HERC2: variants seen among roughly 807,000 people sequenced by gnomAD.
HERC2 encodes E3 ubiquitin-protein ligase HERC2.
HERC2 carries 102 observed loss-of-function variants against 537.7 expected under a neutral mutation model. The observed-to-expected ratio is 0.19, with a 90% CI of 0.16 to 0.22. HERC2 has a LOEUF of 0.22. Among genes scored for constraint, HERC2 ranks in the 10% least tolerant of loss-of-function variants. The pLI, the probability that HERC2 is intolerant of heterozygous loss-of-function variation, is 1.00. For synonymous variants in HERC2, 2,224 were observed against 2,466.2 expected (o/e 0.90, Z 2.91); for missense variants, 4,236 against 6,198.2 (o/e 0.68, Z 10.63).
At chr15:28,142,177 T>C in intron 76 of HERC2, 61 bp downstream of exon 76, 1 of 1,553,092 alleles carries the variant, frequency 6.4e-7, no homozygotes, top group Non-Finnish European at 8.7e-7. Flanking sequence ...GGCATCTTGT[T>C]ACACTATAGC....
At chr15:28,222,248 A>G (rs1402839098) in intron 35 of HERC2, 33 bp from the exon 36 acceptor site, 3 of 1,285,842 alleles carry the variant, frequency 2.3e-6, no homozygotes, top group South Asian at 2.3e-5. Flanking sequence ...AGCTGAGCCA[A>G]CAAGTAGCTA....
rs371670305 is a variant in HERC2, at chr15:28,217,412, G to A, written c.6028+1077C>T. Among the ~76,000 whole-genome samples, 67 of 147,346 alleles carry A rather than the reference G, an allele frequency of 4.5e-4. 1 individual carries two copies. Among genetic ancestry groups the A allele is most frequent in the East Asian group, 1.6e-3 (7 of 4,258 alleles). On this transcript the variant is annotated intron_variant, in intron 38 of 92. Transcript: ENST00000261609. ...ACGCTCAGCCACTTGCCCATCGACC[G>A]CTAACACACTCACTCTCATCAATAT...
chr15:28,130,198 G>GTGGCGA lies in HERC2; in HGVS notation c.12761_12766dup (p.Ile4254_Ala4255dup). Reference sequence around the variant, plus strand: ...GCAGCACACACAGTGCAGGGAGCCAGTGGCGATGGCGATGACTTTCTTCCC... The same window carrying GTGGCGA: ...GCAGCACACACAGTGCAGGGAGCCAGTGGCGATGGCGATGGCGATGACTTTCTTCCC... On this transcript the variant is annotated inframe_insertion, in exon 83 of 93. Coordinates refer to ENST00000261609, the MANE Select transcript of HERC2 (RefSeq NM_004667.6). The GTGGCGA allele has an allele frequency of 6.2e-7, 1 of 1,614,190 alleles. No individual in the cohort carries two copies. Among genetic ancestry groups the GTGGCGA allele is most frequent in the Non-Finnish European group, 8.5e-7 (1 of 1,180,028 alleles).
At chr15:28,224,393 C>T (rs1900883442) in intron 35 of HERC2, among the ~76,000 whole-genome samples, 1 of 151,984 alleles carries the variant, frequency 6.6e-6, no homozygotes. Flanking sequence ...AGCTAGTTTT[C>T]GTATTTTTTG....
chr15:28,141,287 C>G, intron 78 of HERC2, 145 bp downstream of exon 78: 1 of 612,156 alleles, frequency 1.6e-6, no homozygotes, highest in Non-Finnish European at 2.9e-6. Context: ...TCTTAGAACT[C>G]TAGCTGCTTC....
chr15:28,188,468 C>T (rs1260304380), intron 55 of HERC2, among the ~76,000 whole-genome samples: 7 of 151,476 alleles, frequency 4.6e-5, no homozygotes, highest in Admixed American at 4.6e-4. Context: ...GGAGTGAACC[C>T]GGGAGATAGA....
chr15:28,146,453 G>C, intron 70 of HERC2, 109 bp from the exon 71 acceptor site: 1 of 725,532 alleles, frequency 1.4e-6, no homozygotes. Context: ...CAGAAAGTCA[G>C]AAAGAACTGG....
rs1389974389 is a variant in HERC2, at chr15:28,255,951, A to G, written c.2792T>C (p.Ile931Thr). Reference sequence around the variant, plus strand: ...CATCAAGCTGCCCACCAGAAGATCAATCATGAATCGACGACCTGGACTTAT... The same window carrying G: ...CATCAAGCTGCCCACCAGAAGATCAGTCATGAATCGACGACCTGGACTTAT... ...VNISPGRRFMIDLLVGSLMAD... is the reference protein window; with the variant it reads ...VNISPGRRFMTDLLVGSLMAD... Residue 931 changes from isoleucine (I) to threonine (T), a missense_variant, in exon 19 of 93, where the codon ATT becomes ACT. Transcript: ENST00000261609. 1 of 1,606,016 alleles carries G rather than the reference A, an allele frequency of 6.2e-7. No individual in the cohort carries two copies. The highest frequency in any genetic ancestry group is 8.5e-7 in the Non-Finnish European group (1 of 1,179,834).
chr15:28,152,815 A>G lies in HERC2; in HGVS notation c.10762T>C (p.Leu3588=). ...TCCAACTCGGTGACACAGAGCTCCA[A>G]CAGCATATCTGCCACCTGGAGAGGA... ...TAYPQVADML[L]ELCVTELEDV... is the part of the protein sequence containing the mutation. The change falls in exon 70 of 93, where the codon TTG becomes CTG. Residue 3588 remains leucine (L), a synonymous_variant. Transcript: ENST00000261609. 6.4e-7 allele frequency: 1 copy of G among 1,561,742 alleles called. No homozygotes were observed.
Position 28,132,276 on chromosome 15 carries a change from G to T in HERC2, c.12409-15C>A, listed in dbSNP as rs1340083984. ...AGCGCCTCCACCTTCAGAGAAAAGG[G>T]ACTTGGGTTGGCCAAGCACAACACA... is the stretch of plus-strand genomic sequence containing the variant. On this transcript the variant is annotated splice_polypyrimidine_tract_variant and intron_variant, in intron 80 of 92. Coordinates refer to ENST00000261609, the MANE Select transcript of HERC2 (RefSeq NM_004667.6). 1 of 1,595,536 alleles carries T rather than the reference G, an allele frequency of 6.3e-7. No homozygotes were observed. The highest frequency in any genetic ancestry group is 1.7e-5 in the Admixed American group (1 of 58,496).
intron 31 of HERC2, 27 bp downstream of exon 31, chr15:28,230,340 A>G: frequency 6.3e-7 from 1 of 1,581,570 alleles, no homozygotes; most frequent in South Asian, 1.1e-5. Context: ...TATTCAGCCA[A>G]CCTCAGAATC....
At chr15:28,114,281 A>C (rs946094673) in intron 90 of HERC2, among the ~76,000 whole-genome samples, 1 of 152,200 alleles carries the variant, frequency 6.6e-6, no homozygotes, top group African/African-American at 2.4e-5. Flanking sequence ...AGCAGCCTGG[A>C]GGGGGTTGAG....
chr15:28,170,548 CTA>C (rs1333314182), intron 65 of HERC2, among the ~76,000 whole-genome samples: 1 of 152,166 alleles, frequency 6.6e-6, no homozygotes, highest in Non-Finnish European at 1.5e-5. Context: ...AAATACAAAA[CTA>C]TAAATCTTTT....
In HERC2 at chr15:28,257,118, G is replaced by C. The variant is rs373378644; in HGVS notation, c.2460C>G (p.Pro820=). The change falls in exon 17 of 93, where the codon CCC becomes CCG. Residue 820 remains proline (P), a synonymous_variant. Transcript: ENST00000261609. ...CCACACACTCTTTCTCCTGGGGCGG[G>C]GGCCAGTCCGCGGAACCATCCATCC... ...SEGMDGSADW[P]PPQEKECVAV... is the part of the protein sequence containing the mutation. 7.4e-6 allele frequency: 12 copies of C among 1,613,834 alleles called. No individual in the cohort carries two copies. The highest frequency in any genetic ancestry group is 1.0e-5 in the Non-Finnish European group (12 of 1,179,788).
In HERC2 at chr15:28,306,574, T is replaced by C. The variant is rs200204354; in HGVS notation, c.73-7058A>G. Among the ~76,000 whole-genome samples the C allele has an allele frequency of 7.9e-5, 12 of 152,348 alleles. No individual in the cohort carries two copies. In the East Asian group the frequency reaches 1.7e-3, roughly 22 times the overall value. ...GTCTGGTTTTGGTATCAGGGTAATA[T>C]TGGCCTTCTACAATAAGTTTGGATG... is the stretch of plus-strand genomic sequence containing the variant. On this transcript the variant is annotated intron_variant, in intron 2 of 92. Coordinates refer to ENST00000261609, the MANE Select transcript of HERC2 (RefSeq NM_004667.6).
intron 7 of HERC2, chr15:28,273,257 A>T (rs1458924646): frequency 5.5e-6 from 3 of 540,570 alleles, no homozygotes; most frequent in Non-Finnish European, 9.8e-6. Context: ...CTCCATGTAT[A>T]TGAAGCATAA....
chr15:28,202,558 G>A lies in HERC2; in HGVS notation c.7269C>T (p.Ser2423=), dbSNP rs1425294146. ...TGGAGCTGCAGTCTTCAAATCCTGG[G>A]CTCGAAGGGTGAGTGGACTCCACAG... ...CLAVESTHPS[S]PGFEDCSSSE... is the part of the protein sequence containing the mutation. Residue 2423 remains serine, a synonymous_variant, in exon 46 of 93, where the codon AGC becomes AGT. Transcript: ENST00000261609. 4 of 825,538 alleles carry A rather than the reference G, an allele frequency of 4.8e-6. No homozygotes were observed. The highest frequency in any genetic ancestry group is 2.3e-5 in the African/African-American group (1 of 44,402). The allele number at this position is 825,538 out of a possible 1,614,324, so 51.1% of individuals were successfully genotyped here.
At position 28,113,893 on chromosome 15, in the gene HERC2, T is replaced by G. The variant is rs1595963080; in HGVS notation, c.13914-215A>C. On this transcript the variant is annotated intron_variant, in intron 90 of 92. Transcript: ENST00000261609. The surrounding 1 kb of genome is among the most constrained non-coding windows in gnomAD (Gnocchi z 7.0). Reference sequence around the variant, plus strand: ...CTCGTCCAGCCGACAGGGTACGGCCTAATGACCACCTACAGCTATGCACAC... The same window carrying G: ...CTCGTCCAGCCGACAGGGTACGGCCGAATGACCACCTACAGCTATGCACAC... Among the ~76,000 whole-genome samples, 1 of 152,118 alleles carries G rather than the reference T, an allele frequency of 6.6e-6. No individual in the cohort carries two copies. Among genetic ancestry groups the G allele is most frequent in the East Asian group, 1.9e-4 (1 of 5,156 alleles).
intron 39 of HERC2, 104 bp downstream of exon 39, chr15:28,215,517 T>C (rs1030671025): frequency 3.4e-6 from 3 of 884,562 alleles, no homozygotes; most frequent in Admixed American, 5.2e-5. Context: ...TTCTAGACCC[T>C]TTCTGCACTC....
Sources: allele counts gnomAD v4.1 joint callset (sites outside exome capture counted in the v4.1 genomes callset), GRCh38; gene constraint gnomAD v4.1.1; non-coding constraint Gnocchi (gnomAD v3.1); transcripts MANE v1.5; gene names NCBI Gene and HGNC (gene_info 2026-07-23, HGNC 2026-07-21).